Variants in CFDP1 observed in about 807,000 individuals in gnomAD.
The protein encoded by CFDP1 is heterochromatin-stabilizing protein CFDP1.
CFDP1 carries 31 observed loss-of-function variants against 40.1 expected under a neutral mutation model. The observed-to-expected ratio is 0.77, with a 90% CI of 0.58 to 1.04. The LOEUF (loss-of-function observed/expected upper bound fraction) is 1.04, where lower values mean the gene tolerates loss of function less well. Ranked by LOEUF, CFDP1 falls within the 50% of genes least tolerant of loss-of-function variation. The pLI, the probability that CFDP1 is intolerant of heterozygous loss-of-function variation, is 0.00. For missense variants in CFDP1, 423 were observed against 343.4 expected (o/e 1.23, Z -1.83); for synonymous variants, 167 against 120.0 (o/e 1.39, Z -2.56).
intron 4 of CFDP1, among the ~76,000 whole-genome samples, chr16:75,399,075 A>G (rs71394208): frequency 0.17 from 25,396 of 148,958 alleles, 2,425 homozygotes; most frequent in East Asian, 0.38. Context: ...AAAAAAAAAA[A>G]AAAAGAAAAC....
At chr16:75,408,057 T>C (rs1008300362) in intron 4 of CFDP1, among the ~76,000 whole-genome samples, 3 of 151,334 alleles carry the variant, frequency 2.0e-5, no homozygotes, top group Non-Finnish European at 4.4e-5. Context: ...TGAGCTGAGA[T>C]TGTGTCACTG....
chr16:75,360,285 G>A (rs1426263759), intron 5 of CFDP1, among the ~76,000 whole-genome samples: 1 of 152,016 alleles, frequency 6.6e-6, no homozygotes, highest in East Asian at 1.9e-4. Flanking sequence ...AAACAATAAA[G>A]ACCATTCTGG....
chr16:75,380,936 C>A (rs1489082753), intron 5 of CFDP1, among the ~76,000 whole-genome samples: 1 of 152,174 alleles, frequency 6.6e-6, no homozygotes, highest in Non-Finnish European at 1.5e-5. Context: ...TAGCAATCGA[C>A]AGTAGCAGTT....
At position 75,390,446 on chromosome 16, in the gene CFDP1, A is replaced by T. The variant is rs938271317; in HGVS notation, c.650+4644T>A. ...ATCACACTACCCTGCCTTGAGCAAGAATCACCCTCTCCTTGATGTCTCCTC... is the reference window on the plus strand; with the variant it reads ...ATCACACTACCCTGCCTTGAGCAAGTATCACCCTCTCCTTGATGTCTCCTC... On this transcript the variant is annotated intron_variant, in intron 5 of 6. Transcript: ENST00000283882. Among the ~76,000 whole-genome samples the T allele has an allele frequency of 1.3e-4, 20 of 152,232 alleles. 2 individuals are homozygous for T. The highest frequency in any genetic ancestry group is 1.1e-3 in the Admixed American group (17 of 15,290).
intron 5 of CFDP1, among the ~76,000 whole-genome samples, chr16:75,357,997 A>C (rs2078656720): frequency 6.6e-6 from 1 of 152,178 alleles, no homozygotes; most frequent in Non-Finnish European, 1.5e-5. Context: ...TAGGGTTACT[A>C]ACTAGCCTAA....
At chr16:75,391,659 A>G (rs965066822) in intron 5 of CFDP1, among the ~76,000 whole-genome samples, 17 of 152,324 alleles carry the variant, frequency 1.1e-4, no homozygotes, top group Middle Eastern at 3.4e-3. Context: ...GATGGGCGGC[A>G]GTCAAGAAAG....
At chr16:75,420,786 A>T (rs2079269698) in intron 1 of CFDP1, among the ~76,000 whole-genome samples, 2 of 152,312 alleles carry the variant, frequency 1.3e-5, no homozygotes, top group African/African-American at 4.8e-5. Flanking sequence ...TGTAGAAAAA[A>T]ATCAGAGTGA....
intron 5 of CFDP1, among the ~76,000 whole-genome samples, chr16:75,339,532 G>C (rs1245731965): frequency 1.3e-5 from 2 of 152,104 alleles, no homozygotes; most frequent in African/African-American, 4.8e-5. Context: ...TGGCTGTCTA[G>C]ATCCTCGGTG....
chr16:75,338,058 G>A (rs1184104206), intron 5 of CFDP1, among the ~76,000 whole-genome samples: 1 of 152,182 alleles, frequency 6.6e-6, no homozygotes, highest in Non-Finnish European at 1.5e-5. Context: ...TGAAACTGCT[G>A]CAACTTTTAC....
rs535669976 is a variant in CFDP1 at position 75,344,445 on chromosome 16, G to A, written c.651-39263C>T. Among the ~76,000 whole-genome samples, 2 of 152,278 alleles carry A rather than the reference G, an allele frequency of 1.3e-5. 1 individual carries two copies. Among genetic ancestry groups the A allele is most frequent in the South Asian group, 4.1e-4 (2 of 4,830 alleles). On this transcript the variant is annotated intron_variant, in intron 5 of 6. Transcript: ENST00000283882. ...TCATGGGACTTATGCCATTAGAAAA[G>A]TAACTATAAAATAATGGTACAATTC... is the stretch of plus-strand genomic sequence containing the variant.
intron 1 of CFDP1, among the ~76,000 whole-genome samples, chr16:75,427,693 A>C (rs893373546): frequency 2.6e-5 from 4 of 152,128 alleles, no homozygotes; most frequent in African/African-American, 9.7e-5. Context: ...AGCTTCTTGT[A>C]AAGTTAAACA....
At chr16:75,348,827 C>G (rs1157971641) in intron 5 of CFDP1, among the ~76,000 whole-genome samples, 1 of 151,990 alleles carries the variant, frequency 6.6e-6, no homozygotes, top group East Asian at 1.9e-4. Flanking sequence ...AAAGTTATTC[C>G]TATTCTTTTT....
intron 5 of CFDP1, among the ~76,000 whole-genome samples, chr16:75,387,200 G>A (rs1445541436): frequency 6.6e-6 from 1 of 151,318 alleles, no homozygotes; most frequent in Non-Finnish European, 1.5e-5. Flanking sequence ...GAGTGCAGTG[G>A]CGCAATCTCG....
intron 6 of CFDP1, among the ~76,000 whole-genome samples, chr16:75,302,780 A>C (rs997010302): frequency 6.6e-6 from 1 of 152,206 alleles, no homozygotes; most frequent in African/African-American, 2.4e-5. Flanking sequence ...AAGAGACAAC[A>C]CTGCACTTCA....
At chr16:75,419,414 A>C (rs1473330033) in intron 1 of CFDP1, among the ~76,000 whole-genome samples, 1 of 152,246 alleles carries the variant, frequency 6.6e-6, no homozygotes, top group Non-Finnish European at 1.5e-5. Context: ...GTCAACCAAT[A>C]AATACAGAAG....
chr16:75,407,231 T>G (rs536391956), intron 4 of CFDP1, among the ~76,000 whole-genome samples: 3 of 152,050 alleles, frequency 2.0e-5, no homozygotes, highest in Non-Finnish European at 4.4e-5. Context: ...AAAATAATCC[T>G]AGTACTTCCA....
intron 5 of CFDP1, among the ~76,000 whole-genome samples, chr16:75,315,460 CTTCT>C (rs2078318409): frequency 6.8e-6 from 1 of 147,148 alleles, no homozygotes; most frequent in African/African-American, 2.5e-5. Context: ...CTTGCTTTTT[CTTCT>C]TTGTTTTTGT....
intron 5 of CFDP1, among the ~76,000 whole-genome samples, chr16:75,337,136 G>T (rs570223661): frequency 6.6e-6 from 1 of 152,322 alleles, no homozygotes; most frequent in East Asian, 1.9e-4. Flanking sequence ...CAGTTAAAAT[G>T]AACTTCCTAC....
chr16:75,408,484 T>C (rs1305455714), intron 4 of CFDP1, among the ~76,000 whole-genome samples: 1 of 151,916 alleles, frequency 6.6e-6, no homozygotes, highest in Non-Finnish European at 1.5e-5. Context: ...CTTCAAATAT[T>C]AATATAAACA....
Sources: gnomAD v4.1 joint callset for allele counts (sites outside exome capture counted in the v4.1 genomes callset) on GRCh38, gnomAD v4.1.1 for gene constraint, MANE v1.5 for transcripts, NCBI Gene and HGNC (gene_info 2026-07-23, HGNC 2026-07-21) for gene names.